NTM: variants seen among roughly 807,000 people sequenced by gnomAD.
NTM encodes the protein IgLON family member 2.
In NTM, 13 loss-of-function variants were observed where a neutral mutation model predicts 42.1. The ratio of observed to expected loss-of-function variants is 0.31; its 90% CI spans 0.20 to 0.49. The LOEUF is 0.49. Ranked by LOEUF, NTM falls within the 20% of genes least tolerant of loss-of-function variation. The pLI is 0.99. For missense variants in NTM, 373 were observed against 452.8 expected, an observed-to-expected ratio of 0.82 and a Z score of 1.60; for synonymous variants, 187 against 179.2, an observed-to-expected ratio of 1.04 and a Z score of -0.35.
rs1476117527 is a variant in NTM, at chr11:132,146,004, C to G, written c.168-278C>G. On this transcript the variant is annotated intron_variant, in intron 2 of 8. Coordinates refer to ENST00000683400, the MANE Select transcript of NTM (RefSeq NM_001352005.2). This position sits in a 1 kb window ranked among gnomAD's most constrained non-coding sequence, Gnocchi z 4.5. ...GGTAGTATTCGAAGTATCCAGCCAT[C>G]CTGGGCATGCAAGGTACCTCTAGGT... is the stretch of plus-strand genomic sequence containing the variant. 6.6e-6 allele frequency among the ~76,000 whole-genome samples: 1 copy of G among 152,160 alleles called. No homozygotes were observed. Among genetic ancestry groups the G allele is most frequent in the Non-Finnish European group, 1.5e-5 (1 of 68,040 alleles).
intron 2 of NTM, among the ~76,000 whole-genome samples, chr11:131,979,750 A>T (rs1379038304): frequency 3.3e-5 from 5 of 152,262 alleles, no homozygotes; most frequent in Non-Finnish European, 7.3e-5. Context: ...ATTGAAAGAC[A>T]TTTGACATCC....
chr11:131,639,096 G>C (rs2064807578), intron 1 of NTM, among the ~76,000 whole-genome samples: 1 of 152,234 alleles, frequency 6.6e-6, no homozygotes. Flanking sequence ...TGTCAAAGCT[G>C]AGAGTTCAAA....
At chr11:131,845,498 C>T (rs1301147583) in intron 1 of NTM, among the ~76,000 whole-genome samples, 1 of 152,092 alleles carries the variant, frequency 6.6e-6, no homozygotes, top group African/African-American at 2.4e-5. Flanking sequence ...GGCCCTCCCC[C>T]AGCCCTACTA....
At chr11:131,967,604 A>C (rs1403631726) in intron 2 of NTM, among the ~76,000 whole-genome samples, 2 of 152,220 alleles carry the variant, frequency 1.3e-5, no homozygotes, top group African/African-American at 4.8e-5. Context: ...AAGGGAAAAG[A>C]CAACCAACTT....
chr11:131,728,600 A>G (rs2079240701), intron 1 of NTM, among the ~76,000 whole-genome samples: 1 of 152,210 alleles, frequency 6.6e-6, no homozygotes. Flanking sequence ...CCAGTGTTCC[A>G]TTATTGGAAC....
intron 2 of NTM, among the ~76,000 whole-genome samples, chr11:132,075,678 A>G (rs2058274287): frequency 6.6e-6 from 1 of 152,178 alleles, no homozygotes; most frequent in Admixed American, 6.5e-5. Flanking sequence ...CTAAAAATAA[A>G]CTGTTTATTC....
chr11:131,532,704 G>A (rs11222689), intron 1 of NTM, among the ~76,000 whole-genome samples: 271 of 152,324 alleles, frequency 1.8e-3, no homozygotes, highest in Non-Finnish European at 3.0e-3. Flanking sequence ...AAGGGTTCTG[G>A]TTTCTCGACA....
At chr11:132,023,655 G>T (rs980609192) in intron 2 of NTM, among the ~76,000 whole-genome samples, 2 of 152,144 alleles carry the variant, frequency 1.3e-5, no homozygotes, top group African/African-American at 4.8e-5. Context: ...AGTGAACAGC[G>T]TTATTGCAAG....
intron 2 of NTM, among the ~76,000 whole-genome samples, chr11:132,014,883 C>T (rs2073086614): frequency 6.6e-6 from 1 of 151,626 alleles, no homozygotes; most frequent in South Asian, 2.1e-4. Flanking sequence ...AGTGCAGAAG[C>T]TTTTTGGCTT....
intron 1 of NTM, among the ~76,000 whole-genome samples, chr11:131,624,054 A>C (rs1472325971): frequency 6.6e-6 from 1 of 152,162 alleles, no homozygotes; most frequent in African/African-American, 2.4e-5. Flanking sequence ...TTTTTGCCCC[A>C]GTCATTTCCT....
rs575728566 is a variant in NTM at position 131,880,198 on chromosome 11, T to C, written c.83-31366T>C. Among the ~76,000 whole-genome samples the C allele has an allele frequency of 3.9e-5, 6 of 152,254 alleles. No individual in the cohort carries two copies. The South Asian group carries it at 1.2e-3, about 32-fold the overall frequency. ...TCTCAATAAATCGAACCAAGAAGAC[T>C]AGTTTTGAGATTGACTTTTTTCTCC... On this transcript the variant is annotated intron_variant, in intron 1 of 8. Transcript: ENST00000683400.
At chr11:131,942,816 C>A (rs1003957017) in intron 2 of NTM, among the ~76,000 whole-genome samples, 10 of 151,852 alleles carry the variant, frequency 6.6e-5, no homozygotes, top group African/African-American at 2.4e-4. Flanking sequence ...CATGGTGACA[C>A]GTGTCTGTAA....
intron 2 of NTM, among the ~76,000 whole-genome samples, chr11:132,038,285 T>A (rs1367883065): frequency 6.6e-6 from 1 of 152,248 alleles, no homozygotes; most frequent in Non-Finnish European, 1.5e-5. Flanking sequence ...CCTCATGCAT[T>A]CTTTGACCAA....
intron 1 of NTM, among the ~76,000 whole-genome samples, chr11:131,761,770 T>A (rs770609917): frequency 5.9e-5 from 9 of 151,776 alleles, no homozygotes; most frequent in Admixed American, 1.3e-4. Context: ...GATAGCGCCA[T>A]TGCACTCCAG....
At chr11:131,490,635 T>C (rs1017925074) in intron 1 of NTM, among the ~76,000 whole-genome samples, 1 of 152,184 alleles carries the variant, frequency 6.6e-6, no homozygotes, top group Non-Finnish European at 1.5e-5. Context: ...ACAGGGCCTG[T>C]CACTTGAACT....
chr11:131,688,433 A>G (rs924788124), intron 1 of NTM, among the ~76,000 whole-genome samples: 4 of 152,258 alleles, frequency 2.6e-5, no homozygotes, highest in South Asian at 2.1e-4. Flanking sequence ...CAAACACATC[A>G]GAATGGGATG....
At chr11:131,671,462 G>T in intron 1 of NTM, 1 of 985,448 alleles carries the variant, frequency 1.0e-6, no homozygotes, top group Non-Finnish European at 1.2e-6. Flanking sequence ...CTCTGGGCTT[G>T]CAGAGAATGT....
At chr11:131,397,303 C>G (rs1333920305) in intron 1 of NTM, among the ~76,000 whole-genome samples, 2 of 151,978 alleles carry the variant, frequency 1.3e-5, no homozygotes, top group African/African-American at 4.8e-5. Context: ...GAGAGGATCC[C>G]TCAGGGCCAA....
chr11:132,307,077 G>T (rs1346460234), intron 4 of NTM, among the ~76,000 whole-genome samples: 1 of 152,192 alleles, frequency 6.6e-6, no homozygotes, highest in Non-Finnish European at 1.5e-5. Flanking sequence ...TTGCTGGTCT[G>T]TCTTTAGGAT....
Sources: allele counts gnomAD v4.1 joint callset (sites outside exome capture counted in the v4.1 genomes callset), GRCh38; gene constraint gnomAD v4.1.1; non-coding constraint Gnocchi (gnomAD v3.1); transcripts MANE v1.5; gene names NCBI Gene and HGNC (gene_info 2026-07-23, HGNC 2026-07-21).